BRCA2: variants seen among roughly 807,000 people sequenced by gnomAD.
BRCA2 encodes the protein BRCA2 DNA repair associated.
Under a neutral mutation model 276.7 loss-of-function variants are expected in BRCA2, and 203 were observed. That is an observed-to-expected ratio of 0.73 (90% CI 0.65 to 0.82). The LOEUF is 0.82. BRCA2 is among the 40% of genes least tolerant of loss of function. The pLI is 0.00. For synonymous variants in BRCA2, 1,289 were observed against 1,338.4 expected (o/e 0.96, Z 0.81); for missense variants, 3,920 against 3,915.0 (o/e 1.00, Z -0.03).
chr13:32,374,071 G>A (rs1413715959), intron 20 of BRCA2, among the ~76,000 whole-genome samples: 3 of 152,248 alleles, frequency 2.0e-5, no homozygotes, highest in Admixed American at 2.0e-4. Flanking sequence ...GGCCTGATCT[G>A]TACCTTGGCC....
intron 8 of BRCA2, among the ~76,000 whole-genome samples, chr13:32,330,419 G>A (rs112075604): frequency 4.1e-4 from 62 of 152,272 alleles, no homozygotes; most frequent in African/African-American, 1.4e-3. Flanking sequence ...ATTAAAGGAA[G>A]CACTTTATGG....
rs80358524 is a variant in BRCA2 at position 32,336,984 on chromosome 13, C to T, written c.2629C>T (p.Pro877Ser). ...TTCAATTTCAAAAATAACTGTCAAT[C>T]CAGACTCTGAAGAACTTTTCTCAGA... is the stretch of plus-strand genomic sequence containing the variant. ...TTSISKITVNPDSEELFSDNE... is the reference protein window; with the variant it reads ...TTSISKITVNSDSEELFSDNE... Residue 877 changes from proline to serine, a missense_variant, in exon 11 of 27, where the codon CCA (proline) becomes TCA (serine). Around this residue, in one of 2 missense-constraint regions of BRCA2, gnomAD observed 3,263 missense variants for 3,156.9 expected, o/e 1.03. Transcript: ENST00000380152. 1 of 1,587,954 alleles carries T rather than the reference C, an allele frequency of 6.3e-7. No homozygotes were observed. Among genetic ancestry groups the T allele is most frequent in the East Asian group, 2.2e-5 (1 of 44,722 alleles).
At chr13:32,335,506 A>G (rs2072441163) in intron 10 of BRCA2, among the ~76,000 whole-genome samples, 1 of 152,070 alleles carries the variant, frequency 6.6e-6, no homozygotes, top group East Asian at 1.9e-4. Context: ...TAGTATATGG[A>G]CCCTGTTTTT....
In BRCA2 at chr13:32,337,851, G is replaced by A. The variant is rs80358596; in HGVS notation, c.3496G>A (p.Val1166Ile). The A allele has an allele frequency of 1.2e-6, 2 of 1,614,096 alleles. No homozygotes were observed. Among genetic ancestry groups the A allele is most frequent in the Non-Finnish European group, 1.7e-6 (2 of 1,179,978 alleles). ...GGAATGCAGAGATGCTGATCTTCAT[G>A]TCATAATGAATGCCCCATCGATTGG... is the stretch of plus-strand genomic sequence containing the variant. ...SEECRDADLH[V>I]IMNAPSIGQV... The change falls in exon 11 of 27, where the codon GTC (valine) becomes ATC (isoleucine). Residue 1166 changes from valine (V) to isoleucine (I), a missense_variant. By Grantham distance (29) the Val-to-Ile change is conservative (BLOSUM62 3). This residue lies in a region of BRCA2 where 3,263 missense variants were observed against 3,156.9 expected (regional missense o/e 1.03). Transcript: ENST00000380152.
chr13:32,391,981 CAA>C (rs1173505562), intron 24 of BRCA2, among the ~76,000 whole-genome samples: 1 of 151,994 alleles, frequency 6.6e-6, no homozygotes, highest in Non-Finnish European at 1.5e-5. Context: ...TTGGGGAAAA[CAA>C]GATATATTTA....
chr13:32,397,078 A>T, intron 26 of BRCA2, 34 bp downstream of exon 26: 1 of 1,599,876 alleles, frequency 6.3e-7, no homozygotes, highest in Non-Finnish European at 8.6e-7. Context: ...ATATTATAAG[A>T]AGTATATATG....
chr13:32,397,443 A>G (rs1389583598), intron 26 of BRCA2, among the ~76,000 whole-genome samples: 1 of 152,230 alleles, frequency 6.6e-6, no homozygotes, highest in African/African-American at 2.4e-5. Flanking sequence ...AATACTTGCT[A>G]AGGGTATCTA....
rs761305496 is a variant in BRCA2, at chr13:32,394,795, T to C, written c.9363T>C (p.Ala3121=). 1.4e-5 allele frequency: 23 copies of C among 1,614,044 alleles called. No homozygotes were observed. In the South Asian group the frequency reaches 2.3e-4, roughly 16 times the overall value. ...TTATTAAGCCTCATATGTTAATTGC[T>C]GCAAGCAACCTCCAGTGGCGACCAG... ...EDIIKPHMLI[A]ASNLQWRPES... is the part of the protein sequence containing the mutation. The change falls in exon 25 of 27, where the codon GCT becomes GCC. Residue 3121 remains alanine (A), a synonymous_variant. Transcript: ENST00000380152.
intron 11 of BRCA2, among the ~76,000 whole-genome samples, chr13:32,342,916 G>A (rs948879448): frequency 1.3e-5 from 2 of 152,078 alleles, no homozygotes; most frequent in Non-Finnish European, 2.9e-5. Context: ...CATGGTGGTG[G>A]CACACGCCTG....
At position 32,341,002 on chromosome 13, in the gene BRCA2, C is replaced by G. The variant is rs1555284777; in HGVS notation, c.6647C>G (p.Ser2216Cys). The change falls in exon 11 of 27, where the codon TCC (serine) becomes TGC (cysteine). Residue 2216 changes from serine to cysteine, a missense_variant. By Grantham distance (112) the Ser-to-Cys change is moderately radical. Transcript: ENST00000380152. The part of the protein sequence containing the change: ...KTNIEVCSTY[S>C]KDSENYFETE... ...AATATAGAAGTTTGTTCTACTTACT[C>G]CAAAGATTCAGAAAACTACTTTGAA... is the stretch of plus-strand genomic sequence containing the variant. 6.2e-7 allele frequency: 1 copy of G among 1,612,498 alleles called. No individual in the cohort carries two copies. Among genetic ancestry groups the G allele is most frequent in the African/African-American group, 1.3e-5 (1 of 74,810 alleles).
At chr13:32,323,818 A>T (rs931179177) in intron 3 of BRCA2, among the ~76,000 whole-genome samples, 1 of 152,244 alleles carries the variant, frequency 6.6e-6, no homozygotes, top group Admixed American at 6.5e-5. Context: ...ACCATCAACT[A>T]TTGGAACCAT....
chr13:32,351,838 G>A (rs1416792093), intron 13 of BRCA2, among the ~76,000 whole-genome samples: 2 of 151,776 alleles, frequency 1.3e-5, no homozygotes, highest in African/African-American at 2.4e-5. Flanking sequence ...GTCTCACTCT[G>A]TCGCCCAGGC....
intron 16 of BRCA2, among the ~76,000 whole-genome samples, chr13:32,362,120 T>C (rs1234466838): frequency 7.9e-5 from 12 of 152,096 alleles, no homozygotes; most frequent in Admixed American, 7.9e-4. Flanking sequence ...CCTCCTGGGC[T>C]CAAGCAATCC....
intron 2 of BRCA2, among the ~76,000 whole-genome samples, chr13:32,318,728 G>A (rs538084692): frequency 4.6e-5 from 7 of 152,042 alleles, no homozygotes; most frequent in South Asian, 2.1e-4. Context: ...GTGAGCCCCC[G>A]CACCTGGCCG....
chr13:32,354,626 G>GA (rs956671771), intron 13 of BRCA2, among the ~76,000 whole-genome samples: 2 of 152,168 alleles, frequency 1.3e-5, no homozygotes, highest in African/African-American at 4.8e-5. Context: ...GACACACTGA[G>GA]AGGGTCCACA....
intron 3 of BRCA2, among the ~76,000 whole-genome samples, chr13:32,321,469 G>A (rs2072306078): frequency 6.6e-6 from 1 of 152,126 alleles, no homozygotes; most frequent in African/African-American, 2.4e-5. Context: ...AGCAGTTTTT[G>A]CTGAATCTTG....
At chr13:32,374,322 G>T (rs1225794278) in intron 20 of BRCA2, among the ~76,000 whole-genome samples, 1 of 152,230 alleles carries the variant, frequency 6.6e-6, no homozygotes, top group Non-Finnish European at 1.5e-5. Flanking sequence ...CAGCTGGCTT[G>T]AATTCTTTCC....
intron 12 of BRCA2, among the ~76,000 whole-genome samples, chr13:32,345,127 TGTCACTTA>T: frequency 6.6e-6 from 1 of 152,124 alleles, no homozygotes; most frequent in Non-Finnish European, 1.5e-5. Flanking sequence ...CAATAAGTAT[TGTCACTTA>T]TTTTTCTTGT....
At chr13:32,335,637 A>T in intron 10 of BRCA2, among the ~76,000 whole-genome samples, 1 of 152,052 alleles carries the variant, frequency 6.6e-6, no homozygotes, top group Non-Finnish European at 1.5e-5. Flanking sequence ...AAATTTTTTC[A>T]ATTTTATTTT....
Sources: gnomAD v4.1 joint callset for allele counts (sites outside exome capture counted in the v4.1 genomes callset) on GRCh38, gnomAD v4.1.1 for gene constraint, gnomAD v4.1.1 regional missense constraint, MANE v1.5 for transcripts, NCBI Gene and HGNC (gene_info 2026-07-23, HGNC 2026-07-21) for gene names.